MEP1A: variants seen among roughly 807,000 people sequenced by gnomAD.
MEP1A encodes the protein N-benzoyl-L-tyrosyl-P-amino-benzoic acid hydrolase subunit alpha.
In MEP1A, 68 loss-of-function variants were observed where a neutral mutation model predicts 84.5. The ratio of observed to expected loss-of-function variants is 0.80; its 90% confidence interval spans 0.66 to 0.98. The LOEUF (loss-of-function observed/expected upper bound fraction) is 0.98, where lower values mean the gene tolerates loss of function less well. Ranked by LOEUF, MEP1A falls within the 50% of genes least tolerant of loss-of-function variation. The pLI, the probability that MEP1A is intolerant of heterozygous loss-of-function variation, is 0.00. For synonymous variants in MEP1A, 337 were observed against 336.8 expected (o/e 1.00, Z -0.01); for missense variants, 887 against 919.9 (o/e 0.96, Z 0.46).
At chr6:46,807,604 G>A (rs1581668788) in intron 5 of MEP1A, among the ~76,000 whole-genome samples, 2 of 85,816 alleles carry the variant, frequency 2.3e-5, no homozygotes, top group African/African-American at 1.1e-4. Flanking sequence ...AAGGAAGGAA[G>A]GAAGGAAGGA....
intron 10 of MEP1A, among the ~76,000 whole-genome samples, 157 bp downstream of exon 10, chr6:46,829,728 T>C (rs1344468800): frequency 6.6e-6 from 1 of 152,194 alleles, no homozygotes; most frequent in Non-Finnish European, 1.5e-5. Context: ...TCATAATATA[T>C]GGCATGTTTT....
At chr6:46,796,443 A>C (rs1333478777) in intron 3 of MEP1A, among the ~76,000 whole-genome samples, 2 of 151,332 alleles carry the variant, frequency 1.3e-5, no homozygotes, top group African/African-American at 2.4e-5. Context: ...TCACCTCAGC[A>C]CTCTTTCCCA....
chr6:46,801,524 A>G (rs897171489), intron 5 of MEP1A, among the ~76,000 whole-genome samples: 5 of 151,940 alleles, frequency 3.3e-5, no homozygotes, highest in African/African-American at 1.2e-4. Context: ...CCTTTTTCAG[A>G]TATATGTATT....
chr6:46,795,827 A>T (rs1415497712), intron 3 of MEP1A, among the ~76,000 whole-genome samples: 1 of 152,146 alleles, frequency 6.6e-6, no homozygotes, highest in Middle Eastern at 3.2e-3. Flanking sequence ...CTTCTCCTTC[A>T]ACATAAAGTA....
In MEP1A at chr6:46,833,280, G is replaced by C. The variant is rs201642571; in HGVS notation, c.1351G>C (p.Gly451Arg). The C allele has an allele frequency of 8.0e-5, 129 of 1,614,084 alleles. No individual in the cohort carries two copies. The highest frequency in any genetic ancestry group is 1.7e-5 in the Admixed American group (1 of 59,998). The change falls in exon 11 of 14, where the codon GGG becomes CGG. Residue 451 changes from glycine (G) to arginine (R), a missense_variant. Coordinates refer to ENST00000230588, the MANE Select transcript of MEP1A (RefSeq NM_005588.3). The part of the protein sequence containing the change: ...FSQVLENTSK[G>R]DKLQSPRFYN... The stretch of plus-strand genomic sequence containing the variant: ...CCAAGTCCTTGAGAACACCAGCAAA[G>C]GGGACAAGCTTCAGAGCCCTCGATT...
At chr6:46,843,080 C>A (rs1581694734), downstream of MEP1A, among the ~76,000 whole-genome samples, 2 of 152,318 alleles carry the variant, frequency 1.3e-5, no homozygotes, top group East Asian at 3.9e-4. Flanking sequence ...AGGCCAAGAT[C>A]TGTCAACTCT....
chr6:46,816,912 A>G (rs1338040549), intron 6 of MEP1A, among the ~76,000 whole-genome samples: 3 of 152,160 alleles, frequency 2.0e-5, no homozygotes, highest in Non-Finnish European at 2.9e-5. Context: ...GGTGATGGAG[A>G]GCCATGTGTG....
At chr6:46,797,910 C>T (rs907971255) in intron 3 of MEP1A, among the ~76,000 whole-genome samples, 4 of 59,662 alleles carry the variant, frequency 6.7e-5, no homozygotes, top group South Asian at 1.6e-3. Context: ...TTCCTTCCTT[C>T]CTTCCTTCCT....
chr6:46,838,109 G>C (rs1357388491), intron 13 of MEP1A, among the ~76,000 whole-genome samples: 1 of 151,246 alleles, frequency 6.6e-6, no homozygotes, highest in African/African-American at 2.4e-5. Flanking sequence ...TCTTGGCCAG[G>C]CTGATCTCAA....
At chr6:46,844,034 T>G (rs220691), downstream of MEP1A, among the ~76,000 whole-genome samples, 55,949 of 152,010 alleles carry the variant, frequency 0.37, 10,581 homozygotes, top group East Asian at 0.43. Context: ...CTTTATTAGG[T>G]ATATCAGTTT....
In MEP1A at chr6:46,833,620, A is replaced by G. The variant is rs1361898429; in HGVS notation, c.1609+82A>G. On this transcript the variant is annotated intron_variant, in intron 11 of 13. Coordinates refer to ENST00000230588, the MANE Select transcript of MEP1A (RefSeq NM_005588.3). The stretch of plus-strand genomic sequence containing the variant: ...GTGATTCTGTGGTGCAAGAAAGAGT[A>G]ACGTTCTCCTCACATTGTCTGTTTG... 14 of 1,003,188 alleles carry G rather than the reference A, an allele frequency of 1.4e-5. No individual in the cohort carries two copies. The East Asian group carries it at 3.1e-4, about 22-fold the overall frequency. The allele number at this position is 1,003,188 out of a possible 1,614,324, so 62.1% of individuals were successfully genotyped here. A position where few individuals can be genotyped will look rare whatever the true frequency, so the allele number is the denominator to read the frequency against.
rs1767139123 is a variant in MEP1A at position 46,799,238 on chromosome 6, G to A, written c.262+57G>A. The A allele has an allele frequency of 5.1e-6, 6 of 1,175,436 alleles. No homozygotes were observed. In the Admixed American group the frequency reaches 1.0e-4, roughly 20 times the overall value. 72.8% of individuals were successfully genotyped at this position (1,175,436 alleles called of 1,614,324 possible). On this transcript the variant is annotated intron_variant, in intron 5 of 13. Transcript: ENST00000230588. ...CAGTTTAACTCTCTCTCTCCTCTCA[G>A]CCTGTCCATGGGCTTCACATTGGGA... is the stretch of plus-strand genomic sequence containing the variant.
chr6:46,813,305 C>T (rs913450772), intron 6 of MEP1A, among the ~76,000 whole-genome samples: 2 of 151,966 alleles, frequency 1.3e-5, no homozygotes, highest in Middle Eastern at 3.2e-3. Flanking sequence ...GAAATCAAGA[C>T]GGAAATATAA....
chr6:46,837,027 A>G (rs1290392861), intron 13 of MEP1A, among the ~76,000 whole-genome samples: 1 of 152,184 alleles, frequency 6.6e-6, no homozygotes. Context: ...TAATACGTAT[A>G]TTGGGAGAGA....
intron 5 of MEP1A, among the ~76,000 whole-genome samples, chr6:46,806,290 G>T (rs915765834): frequency 3.3e-5 from 5 of 151,950 alleles, no homozygotes; most frequent in Admixed American, 6.6e-5. Flanking sequence ...ATTAGACATT[G>T]TGTTACATTG....
chr6:46,796,058 C>T (rs992906526), intron 3 of MEP1A, among the ~76,000 whole-genome samples: 3 of 152,146 alleles, frequency 2.0e-5, no homozygotes, highest in Admixed American at 6.5e-5. Context: ...TTTCCAGCCA[C>T]CCTGACTGCA....
At chr6:46,794,613 C>T (rs1767009854) in intron 3 of MEP1A, among the ~76,000 whole-genome samples, 1 of 152,182 alleles carries the variant, frequency 6.6e-6, no homozygotes, top group Non-Finnish European at 1.5e-5. Flanking sequence ...GGCTTTGTCT[C>T]ACTCACAGAG....
chr6:46,807,267 G>A (rs1305339774), intron 5 of MEP1A, among the ~76,000 whole-genome samples: 2 of 151,800 alleles, frequency 1.3e-5, no homozygotes, highest in Middle Eastern at 3.2e-3. Flanking sequence ...GTTTGACACA[G>A]AACTATGTAC....
At chr6:46,813,083 A>G (rs1257999589) in intron 6 of MEP1A, among the ~76,000 whole-genome samples, 1 of 151,994 alleles carries the variant, frequency 6.6e-6, no homozygotes, top group East Asian at 1.9e-4. Flanking sequence ...CCCCACTGTT[A>G]TTGTGTTGCC....
Sources: gnomAD v4.1 joint callset for allele counts (sites outside exome capture counted in the v4.1 genomes callset) on GRCh38, gnomAD v4.1.1 for gene constraint, MANE v1.5 for transcripts, NCBI Gene and HGNC (gene_info 2026-07-23, HGNC 2026-07-21) for gene names.